The following MXI1 variants were observed in gnomAD, a reference collection of about 807,000 sequenced individuals.
MXI1 encodes the protein MAX interactor 1, dimerization protein.
A neutral mutation model predicts 36.9 loss-of-function variants in MXI1; 18 were observed. The observed-to-expected ratio is 0.49, with a 90% CI of 0.34 to 0.72. The LOEUF (loss-of-function observed/expected upper bound fraction) is 0.72. Among genes scored for constraint, MXI1 ranks in the 30% least tolerant of loss-of-function variants. The pLI is 0.01. For missense variants in MXI1, 304 were observed against 379.1 expected, an observed-to-expected ratio of 0.80 and a Z score of 1.64; for synonymous variants, 160 against 146.7, an observed-to-expected ratio of 1.09 and a Z score of -0.65.
intron 1 of MXI1, among the ~76,000 whole-genome samples, chr10:110,216,673 T>TTTGTTTTGTTTTGTTTTGTTTTG (rs1464646021): frequency 1.1e-5 from 1 of 92,644 alleles, no homozygotes; most frequent in South Asian, 4.7e-4. Flanking sequence ...ATGTTTTTTT[T>TTTGTTTTGTTTTGTTTTGTTTTG]TTTTTTTTTT....
chr10:110,276,869 CAG>C (rs928059202), intron 3 of MXI1, among the ~76,000 whole-genome samples: 10 of 145,700 alleles, frequency 6.9e-5, no homozygotes, highest in Non-Finnish European at 1.0e-4. Flanking sequence ...CTTCCTGAGG[CAG>C]AGTTTCACTC....
intron 3 of MXI1, among the ~76,000 whole-genome samples, chr10:110,262,916 A>G (rs766463624): frequency 5.1e-4 from 78 of 152,138 alleles, no homozygotes; most frequent in Non-Finnish European, 7.6e-4. Context: ...CTAAATTCCT[A>G]TCTCAGATTC....
At chr10:110,221,409 C>A (rs904583225) in intron 1 of MXI1, among the ~76,000 whole-genome samples, 2 of 152,184 alleles carry the variant, frequency 1.3e-5, no homozygotes, top group African/African-American at 4.8e-5. Context: ...ATTCACTTGG[C>A]ATGGCCCTAG....
intron 3 of MXI1, among the ~76,000 whole-genome samples, chr10:110,253,915 C>A (rs1199317380): frequency 6.6e-6 from 1 of 151,946 alleles, no homozygotes; most frequent in East Asian, 1.9e-4. Context: ...AAAACTGAAT[C>A]CTTTCTCCCT....
At chr10:110,230,388 G>A (rs1373977456) in intron 2 of MXI1, among the ~76,000 whole-genome samples, 1 of 152,154 alleles carries the variant, frequency 6.6e-6, no homozygotes, top group African/African-American at 2.4e-5. Flanking sequence ...TTGTAAAACT[G>A]CAAGCATGCC....
At position 110,284,939 on chromosome 10, in the gene MXI1, T is replaced by C. The variant is rs1857393611; in HGVS notation, c.840T>C (p.Ser280=). ...ACAGCAGCCTGCCGAGTATTGGGAG[T>C]GACGAGGGTTACTCCAGTGCCAGTG... is the stretch of plus-strand genomic sequence containing the variant. ...DDHSSLPSIG[S]DEGYSSASVK... Residue 280 remains serine (S), a synonymous_variant, in exon 6 of 6, where the codon AGT becomes AGC. Transcript: ENST00000332674. 1.2e-6 allele frequency: 2 copies of C among 1,613,344 alleles called. No individual in the cohort carries two copies. Among genetic ancestry groups the C allele is most frequent in the Admixed American group, 3.3e-5 (2 of 59,918 alleles).
chr10:110,253,549 TTAG>T (rs1348918674), intron 3 of MXI1, among the ~76,000 whole-genome samples: 4 of 152,134 alleles, frequency 2.6e-5, no homozygotes, highest in Admixed American at 1.3e-4. Context: ...TGTACACTTG[TTAG>T]TAGGAAAGAA....
intron 3 of MXI1, among the ~76,000 whole-genome samples, chr10:110,247,104 T>C (rs1855895954): frequency 6.6e-6 from 1 of 152,168 alleles, no homozygotes; most frequent in Non-Finnish European, 1.5e-5. Context: ...TTAGTAACTA[T>C]TTGGAATGGA....
chr10:110,209,150 C>A (rs1854442582), intron 1 of MXI1, among the ~76,000 whole-genome samples: 1 of 152,312 alleles, frequency 6.6e-6, no homozygotes, highest in East Asian at 1.9e-4. Flanking sequence ...GTCGACTCAG[C>A]GCCCTAACGG....
At chr10:110,246,504 T>A (rs1347559257) in intron 3 of MXI1, among the ~76,000 whole-genome samples, 1 of 152,174 alleles carries the variant, frequency 6.6e-6, no homozygotes, top group African/African-American at 2.4e-5. Flanking sequence ...TGAAAAGGCT[T>A]AGCATAGTTT....
At chr10:110,239,411 T>G (rs1489839228) in intron 2 of MXI1, among the ~76,000 whole-genome samples, 1 of 152,224 alleles carries the variant, frequency 6.6e-6, no homozygotes, top group African/African-American at 2.4e-5. Context: ...AGCTAAACAG[T>G]TGTGTTTAAG....
chr10:110,275,961 T>C (rs1227382312), intron 3 of MXI1, among the ~76,000 whole-genome samples: 3 of 140,848 alleles, frequency 2.1e-5, no homozygotes, highest in Admixed American at 6.9e-5. Context: ...TGTTCAGTAG[T>C]GGCTAAAAAA....
chr10:110,211,350 G>T (rs559190004), intron 1 of MXI1, among the ~76,000 whole-genome samples: 141 of 152,318 alleles, frequency 9.3e-4, no homozygotes, highest in African/African-American at 3.3e-3. Context: ...AGGCTGGGTG[G>T]GGGGTGGAGC....
intron 1 of MXI1, among the ~76,000 whole-genome samples, chr10:110,211,983 A>G (rs1335449809): frequency 6.6e-6 from 1 of 152,236 alleles, no homozygotes; most frequent in Non-Finnish European, 1.5e-5. Context: ...GTAGAAAAAG[A>G]TCTTGGAAAA....
At chr10:110,244,906 C>A in intron 3 of MXI1, 49 bp downstream of exon 3, 2 of 1,580,852 alleles carry the variant, frequency 1.3e-6, no homozygotes, top group South Asian at 1.1e-5. Context: ...AAAGCAAACT[C>A]ACCATTTTAC....
intron 2 of MXI1, among the ~76,000 whole-genome samples, chr10:110,233,027 C>T (rs558724275): frequency 6.6e-6 from 1 of 152,278 alleles, no homozygotes; most frequent in South Asian, 2.1e-4. Context: ...GAGCCTGTGA[C>T]ACACACATAG....
At chr10:110,264,549 A>T (rs973739828) in intron 3 of MXI1, among the ~76,000 whole-genome samples, 5 of 151,928 alleles carry the variant, frequency 3.3e-5, no homozygotes, top group East Asian at 3.9e-4. Context: ...TATTTTTCAT[A>T]GAGACGGGGT....
chr10:110,286,807 G>A lies in MXI1; in HGVS notation c.*1820G>A, dbSNP rs1173019962. ...TCCTTGATTGTGCTATGTTTCAGTG[G>A]AAGAAATTCTTTGAAGTAGATGTGA... On this transcript the variant is annotated 3_prime_UTR_variant, in exon 6 of 6. Coordinates refer to ENST00000332674, the MANE Select transcript of MXI1 (RefSeq NM_130439.3). 1 of 152,178 alleles carries A rather than the reference G, an allele frequency of 6.6e-6. No individual in the cohort carries two copies. Among genetic ancestry groups the A allele is most frequent in the East Asian group, 1.9e-4 (1 of 5,200 alleles). The allele number at this position is 152,178 out of a possible 1,614,324, so 9.4% of individuals were successfully genotyped here.
intron 2 of MXI1, among the ~76,000 whole-genome samples, chr10:110,240,068 T>C (rs1228145566): frequency 6.6e-6 from 1 of 152,108 alleles, no homozygotes; most frequent in East Asian, 1.9e-4. Flanking sequence ...ATGTTGAAAT[T>C]GTGTAGATTA....
Sources: allele counts gnomAD v4.1 joint callset (sites outside exome capture counted in the v4.1 genomes callset), GRCh38; gene constraint gnomAD v4.1.1; transcripts MANE v1.5; gene names NCBI Gene and HGNC (gene_info 2026-07-23, HGNC 2026-07-21).